AMZ2: variants seen among roughly 807,000 people sequenced by gnomAD.
The protein encoded by AMZ2 is archaelysin family metallopeptidase 2, also known as archaemetzincin-2.
A neutral mutation model predicts 36.7 loss-of-function variants in AMZ2; 26 were observed. That is an observed-to-expected ratio of 0.71 (90% CI 0.52 to 0.98). AMZ2 has a LOEUF of 0.98. AMZ2 is among the 50% of genes least tolerant of loss of function. The probability of loss-of-function intolerance (pLI) is 0.00; values close to 1 mark genes in which losing one functional copy is unlikely to be tolerated. For synonymous variants in AMZ2, 144 were observed against 149.1 expected, an observed-to-expected ratio of 0.97 and a Z score of 0.25; for missense variants, 394 against 430.5, an observed-to-expected ratio of 0.92 and a Z score of 0.75.
intron 1 of AMZ2, among the ~76,000 whole-genome samples, chr17:68,209,826 G>A (rs1442558839): frequency 6.6e-6 from 1 of 151,276 alleles, no homozygotes; most frequent in African/African-American, 2.4e-5. Context: ...TCACCATGTT[G>A]GCCAGGCTGG....
chr17:68,256,324 T>C (rs1208294669), intron 6 of AMZ2, among the ~76,000 whole-genome samples: 2 of 152,228 alleles, frequency 1.3e-5, no homozygotes, highest in African/African-American at 4.8e-5. Context: ...TGTGTGTGTG[T>C]GCCCACACTT....
At chr17:68,212,177 C>T (rs1555726230) in intron 1 of AMZ2, among the ~76,000 whole-genome samples, 2 of 152,114 alleles carry the variant, frequency 1.3e-5, no homozygotes, top group African/African-American at 4.8e-5. Context: ...TCAAGACCAG[C>T]CTGGGCAACA....
intron 1 of AMZ2, among the ~76,000 whole-genome samples, chr17:68,209,630 A>ATTTTTTT (rs1339157573): frequency 6.1e-5 from 6 of 98,482 alleles, no homozygotes; most frequent in Non-Finnish European, 9.3e-5. Flanking sequence ...ATATATATAT[A>ATTTTTTT]TATTTTTTTT....
Position 68,254,577 on chromosome 17 carries a change from T to TA in AMZ2, c.750+11dup. 1.2e-6 allele frequency: 2 copies of TA among 1,601,964 alleles called. No individual in the cohort carries two copies. Among genetic ancestry groups the TA allele is most frequent in the Non-Finnish European group, 8.5e-7 (1 of 1,171,802 alleles). On this transcript the variant is annotated intron_variant, in intron 5 of 6. Transcript: ENST00000359904. ...ACTTCGATCCTGTAAGGTAAGTTAT[T>TA]ACAAAAATCTGACAGGACAGTTCTT...
At position 68,235,782 on chromosome 17, in the gene AMZ2, C is replaced by T. The variant is rs2073771738; in HGVS notation, c.-66-12858C>T. On this transcript the variant is annotated intron_variant, in intron 1 of 7. Transcript: ENST00000674770. The surrounding 1 kb of genome is among the most constrained non-coding windows in gnomAD (Gnocchi z 4.2). ...GTACGTGCTGTGCCCTCAGCCTGGG[C>T]TGCCGTGGACTGGCCGTCCCTACCC... Among the ~76,000 whole-genome samples, 1 of 152,052 alleles carries T rather than the reference C, an allele frequency of 6.6e-6. No homozygotes were observed.
In AMZ2 at chr17:68,250,817, A is replaced by T; in HGVS notation, c.307A>T (p.Ile103Phe). The change falls in exon 3 of 7, where the codon ATC becomes TTC. Residue 103 changes from isoleucine (I) to phenylalanine (F), a missense_variant. Ile to Phe is a conservative substitution (Grantham distance 21). Coordinates refer to ENST00000359904, the MANE Select transcript of AMZ2 (RefSeq NM_016627.5). ...AGGCTCTCTAGGAAACACCAGAATT[A>T]TCAGTGAAGAATATATTAAATGGCT... ...SIGSLGNTRIISEEYIKWLTG... is the reference protein window; with the variant it reads ...SIGSLGNTRIFSEEYIKWLTG... 6.3e-7 allele frequency: 1 copy of T among 1,581,998 alleles called. No homozygotes were observed. Among genetic ancestry groups the T allele is most frequent in the Non-Finnish European group, 8.5e-7 (1 of 1,171,390 alleles).
intron 1 of AMZ2, among the ~76,000 whole-genome samples, chr17:68,238,873 C>A (rs868953243): frequency 6.6e-6 from 1 of 152,178 alleles, no homozygotes; most frequent in Non-Finnish European, 1.5e-5. Context: ...TAAAAGATTT[C>A]TTGCTTTTTT....
intron 1 of AMZ2, among the ~76,000 whole-genome samples, chr17:68,222,622 C>A (rs1315241779): frequency 2.0e-5 from 3 of 152,204 alleles, no homozygotes; most frequent in Non-Finnish European, 2.9e-5. Context: ...ACGGTCCCAT[C>A]TGGGCTTGAT....
intron 1 of AMZ2, among the ~76,000 whole-genome samples, chr17:68,226,304 C>T (rs1400958559): frequency 6.6e-6 from 1 of 152,186 alleles, no homozygotes; most frequent in Admixed American, 6.5e-5. Flanking sequence ...TTAAGAGTTA[C>T]GTGAGAGGCT....
In AMZ2 at chr17:68,223,884, T is replaced by TTA. The variant is rs1555729158; in HGVS notation, c.-67+17660_-67+17661dup. 6.9e-4 allele frequency among the ~76,000 whole-genome samples: 60 copies of TTA among 86,670 alleles called. 2 individuals are homozygous for TTA. The South Asian group carries it at 0.011, about 16-fold the overall frequency. 56.9% of individuals were successfully genotyped at this position (86,670 alleles called of 152,430 possible). A position where few individuals can be genotyped will look rare whatever the true frequency, so the allele number is the denominator to read the frequency against. ...GCGTGCACCACCACACCCAGCTAAT[T>TTA]TATATATATATATATTTTTTTTTGA... On this transcript the variant is annotated intron_variant, in intron 1 of 7. Coordinates refer to the AMZ2 transcript ENST00000674770.
At chr17:68,221,751 G>A (rs1380099436) in intron 1 of AMZ2, among the ~76,000 whole-genome samples, 2 of 151,380 alleles carry the variant, frequency 1.3e-5, no homozygotes, top group African/African-American at 4.9e-5. Context: ...AAAAAAATTA[G>A]CCGGGCATGG....
rs2073740881 is a variant in AMZ2 at position 68,234,497 on chromosome 17, A to T, written c.-66-14143A>T. ...TCTTATTGGCTGGGTGCAGTGGCTC[A>T]TGCCTGTAATCCCAGCACTTTGGGA... On this transcript the variant is annotated intron_variant, in intron 1 of 7. Coordinates refer to the AMZ2 transcript ENST00000674770. Among the ~76,000 whole-genome samples the T allele has an allele frequency of 2.0e-5, 3 of 151,882 alleles. No homozygotes were observed. In the South Asian group the frequency reaches 6.2e-4, roughly 32 times the overall value.
intron 1 of AMZ2, among the ~76,000 whole-genome samples, chr17:68,217,962 G>A (rs8064836): frequency 0.31 from 46,554 of 151,646 alleles, 7,292 homozygotes; most frequent in African/African-American, 0.35. Flanking sequence ...ACAGGCGCCC[G>A]CCATCACGCC....
At chr17:68,247,415 G>C (rs546278663), upstream of AMZ2, 2 of 152,884 alleles carry the variant, frequency 1.3e-5, no homozygotes, top group East Asian at 3.9e-4. Context: ...TCCCACCAGA[G>C]GGTACAGAGC....
upstream of AMZ2, chr17:68,247,128 A>T (rs1284641365): frequency 1.3e-5 from 2 of 151,944 alleles, no homozygotes; most frequent in Non-Finnish European, 2.9e-5. Flanking sequence ...TGAGGTCAGG[A>T]GTTCGAGACC....
chr17:68,225,636 C>CT (rs1268170554), intron 1 of AMZ2, among the ~76,000 whole-genome samples: 2 of 151,334 alleles, frequency 1.3e-5, no homozygotes, highest in South Asian at 2.1e-4. Flanking sequence ...CTTTTCTTTT[C>CT]TTTTTTTTAT....
intron 1 of AMZ2, chr17:68,206,662 G>A (rs1436347961): frequency 6.6e-6 from 1 of 152,240 alleles, no homozygotes; most frequent in Non-Finnish European, 1.5e-5. Flanking sequence ...CATTTCTAAT[G>A]TGGTTTCTTT....
chr17:68,247,936 C>G (rs2074108058), upstream of AMZ2: 29 of 984,596 alleles, frequency 2.9e-5, no homozygotes, highest in Non-Finnish European at 3.4e-5. Flanking sequence ...CGCTCAGGGG[C>G]GTGGCATGGG....
At chr17:68,212,656 T>C (rs782019017) in intron 1 of AMZ2, among the ~76,000 whole-genome samples, 9 of 152,096 alleles carry the variant, frequency 5.9e-5, no homozygotes, top group Non-Finnish European at 1.0e-4. Flanking sequence ...CACCTCCACC[T>C]CCTAGGTTCA....
Sources: gnomAD v4.1 joint callset for allele counts (sites outside exome capture counted in the v4.1 genomes callset) on GRCh38, gnomAD v4.1.1 for gene constraint, Gnocchi (gnomAD v3.1) non-coding constraint, MANE v1.5 for transcripts, NCBI Gene and HGNC (gene_info 2026-07-23, HGNC 2026-07-21) for gene names.